The following HEATR4 variants were observed in gnomAD, a reference collection of about 807,000 sequenced individuals.
HEATR4 encodes the protein HEAT repeat containing 4, also known as HEAT repeat-containing protein 4.
In HEATR4, 95 loss-of-function variants were observed where a neutral mutation model predicts 108.8. That is an observed-to-expected ratio of 0.87 (90% CI 0.74 to 1.04). The LOEUF is 1.04. HEATR4 is among the 50% of genes least tolerant of loss of function. The probability of loss-of-function intolerance (pLI) is 0.00; values close to 1 mark genes in which losing one functional copy is unlikely to be tolerated. For synonymous variants in HEATR4, 443 were observed against 459.4 expected, an observed-to-expected ratio of 0.96 and a Z score of 0.46; for missense variants, 1,152 against 1,253.8, an observed-to-expected ratio of 0.92 and a Z score of 1.23.
the HEATR4 span, among the ~76,000 whole-genome samples, chr14:73,629,894 T>G: frequency 2.7e-4 from 41 of 151,814 alleles, no homozygotes; most frequent in Middle Eastern, 0.01. Flanking sequence ...AGATCCGCCC[T>G]CCTCGGCCTC....
rs1250401147 is a variant in HEATR4, at chr14:73,502,881, T to C, written c.2105+14A>G. The C allele has an allele frequency of 5.7e-6, 9 of 1,591,188 alleles. No individual in the cohort carries two copies. The highest frequency in any genetic ancestry group is 7.8e-6 in the Non-Finnish European group (9 of 1,159,564). ...AATTTAGAAGAGTGTCTCCTCATGT[T>C]GACTGGGTCTTACCTGATTATGTCG... is the stretch of plus-strand genomic sequence containing the variant. On this transcript the variant is annotated intron_variant, in intron 11 of 17. Transcript: ENST00000553558.
the HEATR4 span, among the ~76,000 whole-genome samples, chr14:73,597,246 G>A: frequency 2.0e-5 from 3 of 151,172 alleles, no homozygotes; most frequent in African/African-American, 7.3e-5. Context: ...CACCACGCCT[G>A]GCTAATTTTT....
At position 73,546,002 on chromosome 14, in the gene HEATR4, G is replaced by T. The variant is rs1365034689; in HGVS notation, c.-152+12749C>A. ...CATCTTATAAAAACAATTTTTTTTT[G>T]AGACAGTCTCGCTCTGTTGCCCAGG... On this transcript the variant is annotated intron_variant, in intron 1 of 17. Coordinates refer to ENST00000553558, the MANE Select transcript of HEATR4 (RefSeq NM_001220484.1). Among the ~76,000 whole-genome samples, 2 of 112,776 alleles carry T rather than the reference G, an allele frequency of 1.8e-5. 1 individual carries two copies. Among genetic ancestry groups the T allele is most frequent in the Non-Finnish European group, 3.8e-5 (2 of 51,966 alleles). The allele number at this position is 112,776 out of a possible 152,430, so 74.0% of individuals were successfully genotyped here.
the HEATR4 span, among the ~76,000 whole-genome samples, chr14:73,616,487 G>A: frequency 4.6e-3 from 697 of 152,114 alleles, 4 homozygotes; most frequent in African/African-American, 0.016. Context: ...GAGGTCAGGA[G>A]TTCAAGACCA....
chr14:73,583,114 C>T, the HEATR4 span, among the ~76,000 whole-genome samples: 16 of 151,778 alleles, frequency 1.1e-4, no homozygotes, highest in African/African-American at 4.8e-5. Flanking sequence ...GAGGCCGAGG[C>T]GGGCGGATCA....
chr14:73,618,844 C>T, the HEATR4 span, among the ~76,000 whole-genome samples: 2 of 151,942 alleles, frequency 1.3e-5, no homozygotes, highest in Non-Finnish European at 2.9e-5. Context: ...GTTAAGAAAG[C>T]TACTGGCGGG....
chr14:73,506,808 T>TTTTTTTTTTTGTTTTTG lies in HEATR4; in HGVS notation c.1882-238_1882-237insCAAAAACAAAAAAAAAA, dbSNP rs1460695074. 7.2e-5 allele frequency among the ~76,000 whole-genome samples: 8 copies of TTTTTTTTTTTGTTTTTG among 111,462 alleles called. 1 individual carries two copies. The highest frequency in any genetic ancestry group is 3.3e-4 in the African/African-American group (7 of 21,316). 73.1% of individuals were successfully genotyped at this position (111,462 alleles called of 152,430 possible). On this transcript the variant is annotated intron_variant, in intron 9 of 17. Transcript: ENST00000553558. ...CTTCCTTTCCTGACTTTAACTGTTT[T>TTTTTTTTTTTGTTTTTG]TTTTTTTTTTTTTTTTTCTGAGAAG...
the HEATR4 span, among the ~76,000 whole-genome samples, chr14:73,602,207 G>C: frequency 6.6e-6 from 1 of 152,112 alleles, no homozygotes; most frequent in East Asian, 1.9e-4. Flanking sequence ...CCAAAGTGCT[G>C]GGATTACAGG....
the HEATR4 span, chr14:73,573,315 A>G: frequency 6.9e-6 from 11 of 1,601,026 alleles, no homozygotes; most frequent in Middle Eastern, 1.7e-4. Context: ...TGTGGTAAGT[A>G]TATGTTTAAC....
the HEATR4 span, among the ~76,000 whole-genome samples, chr14:73,604,792 G>C: frequency 1.2e-4 from 18 of 152,166 alleles, no homozygotes; most frequent in African/African-American, 4.1e-4. Context: ...CAGCTAGCCA[G>C]TTTCTTAATT....
At chr14:73,589,915 G>C in the HEATR4 span, among the ~76,000 whole-genome samples, 1 of 152,092 alleles carries the variant, frequency 6.6e-6, no homozygotes, top group South Asian at 2.1e-4. Flanking sequence ...AGCTCTTAAG[G>C]CGGCATGTCT....
Position 73,541,890 on chromosome 14 carries a change from T to C in HEATR4, c.-151-11646A>G, listed in dbSNP as rs2140314093. The stretch of plus-strand genomic sequence containing the variant: ...TTCTTTTTTTGAGATGGAGTCTCAC[T>C]CTGTTGCCAGGCTGGAGTCCAGTGG... On this transcript the variant is annotated intron_variant, in intron 1 of 17. Coordinates refer to ENST00000553558, the MANE Select transcript of HEATR4 (RefSeq NM_001220484.1). Among the ~76,000 whole-genome samples, 2 of 114,202 alleles carry C rather than the reference T, an allele frequency of 1.8e-5. 1 individual carries two copies. Among genetic ancestry groups the C allele is most frequent in the East Asian group, 1.4e-3 (2 of 1,478 alleles). The allele number at this position is 114,202 out of a possible 152,430, so 74.9% of individuals were successfully genotyped here.
chr14:73,524,310 A>AAAATATATAT lies in HEATR4; in HGVS notation c.-72-1087_-72-1086insATATATATTT. On this transcript the variant is annotated intron_variant, in intron 2 of 17. Coordinates refer to ENST00000553558, the MANE Select transcript of HEATR4 (RefSeq NM_001220484.1). ...CTCCGTCTCAAAAAAAAAAAAAAAA[A>AAAATATATAT]ATATATATATATATATATATATATA... Among the ~76,000 whole-genome samples, 49 of 54,780 alleles carry AAAATATATAT rather than the reference A, an allele frequency of 8.9e-4. 1 individual carries two copies. The highest frequency in any genetic ancestry group is 1.2e-3 in the Non-Finnish European group (40 of 32,110). The allele number at this position is 54,780 out of a possible 152,430, so 35.9% of individuals were successfully genotyped here. A position where few individuals can be genotyped will look rare whatever the true frequency, so the allele number is the denominator to read the frequency against.
chr14:73,627,458 C>T, the HEATR4 span, among the ~76,000 whole-genome samples: 3 of 152,192 alleles, frequency 2.0e-5, no homozygotes, highest in Non-Finnish European at 2.9e-5. Context: ...ACTGGCTTCA[C>T]GTTGGGGTTC....
At chr14:73,566,193 T>C in the HEATR4 span, among the ~76,000 whole-genome samples, 1 of 152,016 alleles carries the variant, frequency 6.6e-6, no homozygotes, top group Non-Finnish European at 1.5e-5. Context: ...AGAGTGCCGA[T>C]TGGTGTATTT....
chr14:73,510,420 G>T (rs1257420233), intron 7 of HEATR4, among the ~76,000 whole-genome samples: 1 of 148,738 alleles, frequency 6.7e-6, no homozygotes, highest in African/African-American at 2.5e-5. Context: ...CTGTTGGCTG[G>T]AGTTTTTTTG....
intron 4 of HEATR4, 156 bp downstream of exon 4, chr14:73,520,696 T>C (rs1256874039): frequency 1.5e-5 from 10 of 662,446 alleles, no homozygotes; most frequent in Middle Eastern, 4.3e-4. Context: ...CCGACCCAAC[T>C]CCTGTGCTAG....
chr14:73,480,075 T>C (rs1401018446), intron 17 of HEATR4, among the ~76,000 whole-genome samples: 1 of 152,258 alleles, frequency 6.6e-6, no homozygotes, highest in Non-Finnish European at 1.5e-5. Flanking sequence ...ATTTCAGCTA[T>C]ACATTATATG....
In HEATR4 at chr14:73,492,815, G is replaced by T. The variant is rs750383577; in HGVS notation, c.2844+251C>A. ...AGCTGATGCCATGGAACTGTTGCTT[G>T]GTTCTTATCCAGAGTTTGTGAGAGT... On this transcript the variant is annotated intron_variant, in intron 17 of 17. Coordinates refer to ENST00000553558, the MANE Select transcript of HEATR4 (RefSeq NM_001220484.1). The surrounding 1 kb of genome is among the most constrained non-coding windows in gnomAD (Gnocchi z 4.9). 3.1e-6 allele frequency: 5 copies of T among 1,613,804 alleles called. No homozygotes were observed. Among genetic ancestry groups the T allele is most frequent in the Non-Finnish European group, 4.2e-6 (5 of 1,179,892 alleles).
Sources: allele counts gnomAD v4.1 joint callset (sites outside exome capture counted in the v4.1 genomes callset), GRCh38; gene constraint gnomAD v4.1.1; non-coding constraint Gnocchi (gnomAD v3.1); transcripts MANE v1.5; gene names NCBI Gene and HGNC (gene_info 2026-07-23, HGNC 2026-07-21).